The following CADM2 variants were observed in gnomAD, a reference collection of about 807,000 sequenced individuals.
CADM2 encodes the protein cell adhesion molecule 2, also known as immunoglobulin superfamily member 4D.
CADM2 carries 12 observed loss-of-function variants against 49.8 expected under a neutral mutation model. The ratio of observed to expected loss-of-function variants is 0.24; its 90% CI spans 0.15 to 0.39. CADM2 has a LOEUF of 0.39. CADM2 is among the 10% of genes least tolerant of loss of function. The pLI, the probability that CADM2 is intolerant of heterozygous loss-of-function variation, is 1.00. For synonymous variants in CADM2, 214 were observed against 175.4 expected (o/e 1.22, Z -1.74); for missense variants, 378 against 492.3 (o/e 0.77, Z 2.20).
intron 1 of CADM2, among the ~76,000 whole-genome samples, chr3:85,327,278 G>C (rs1049603584): frequency 2.0e-5 from 3 of 151,638 alleles, no homozygotes; most frequent in African/African-American, 7.3e-5. Context: ...TTTATTTAGA[G>C]ACAGATTCTC....
intron 1 of CADM2, among the ~76,000 whole-genome samples, chr3:85,248,670 T>C (rs556210340): frequency 2.0e-5 from 3 of 152,306 alleles, no homozygotes; most frequent in Admixed American, 6.5e-5. Flanking sequence ...AGGTTGTGGT[T>C]TGTATACTCA....
intron 1 of CADM2, among the ~76,000 whole-genome samples, chr3:85,224,275 G>T (rs557946297): frequency 6.6e-6 from 1 of 152,184 alleles, no homozygotes; most frequent in East Asian, 1.9e-4. Flanking sequence ...GTCGTTTCCT[G>T]ACTTTTAGTG....
chr3:85,269,340 T>C (rs552248625), intron 1 of CADM2, among the ~76,000 whole-genome samples: 1 of 151,572 alleles, frequency 6.6e-6, no homozygotes, highest in South Asian at 2.1e-4. Context: ...ATTCGCTATT[T>C]TTTTACTTGA....
At chr3:85,719,892 A>C (rs1335363723) in intron 1 of CADM2, among the ~76,000 whole-genome samples, 1 of 152,196 alleles carries the variant, frequency 6.6e-6, no homozygotes, top group Non-Finnish European at 1.5e-5. Flanking sequence ...TGTACATCCC[A>C]AAATTATTAT....
intron 2 of CADM2, among the ~76,000 whole-genome samples, chr3:85,768,252 G>A (rs2069768395): frequency 1.3e-5 from 2 of 152,000 alleles, no homozygotes; most frequent in African/African-American, 4.8e-5. Flanking sequence ...TTCATTACCA[G>A]CCTGGGCAAC....
At chr3:85,048,739 C>T (rs1428859471) in intron 1 of CADM2, among the ~76,000 whole-genome samples, 2 of 152,002 alleles carry the variant, frequency 1.3e-5, no homozygotes, top group Non-Finnish European at 2.9e-5. Flanking sequence ...ATATAGAAGA[C>T]AGGATGATGA....
rs1185668948 is a variant in CADM2 at position 86,074,407 on chromosome 3, A to G, written c.*7624A>G. 1.3e-5 allele frequency: 2 copies of G among 152,036 alleles called. No individual in the cohort carries two copies. The highest frequency in any genetic ancestry group is 4.8e-5 in the African/African-American group (2 of 41,440). The allele number at this position is 152,036 out of a possible 1,614,324, so 9.4% of individuals were successfully genotyped here. A position where few individuals can be genotyped will look rare whatever the true frequency, so the allele number is the denominator to read the frequency against. ...TTAGACCATGAAATATTCCATTAAA[A>G]TTTATCTGTAAATACAAGGCAAGAT... On this transcript the variant is annotated 3_prime_UTR_variant, in exon 10 of 10. Coordinates refer to ENST00000383699, the MANE Select transcript of CADM2 (RefSeq NM_001167675.2).
intron 1 of CADM2, among the ~76,000 whole-genome samples, chr3:85,077,762 G>T (rs1019052847): frequency 2.6e-5 from 4 of 151,886 alleles, no homozygotes; most frequent in African/African-American, 9.7e-5. Context: ...ATAAAGAAAA[G>T]TTTTTTGTCA....
At chr3:85,021,620 C>T (rs1259685586) in intron 1 of CADM2, among the ~76,000 whole-genome samples, 1 of 151,918 alleles carries the variant, frequency 6.6e-6, no homozygotes, top group African/African-American at 2.4e-5. Flanking sequence ...ACTAAAAATA[C>T]AAAAATTAGC....
chr3:85,505,969 T>C (rs2040333212), intron 1 of CADM2, among the ~76,000 whole-genome samples: 2 of 152,220 alleles, frequency 1.3e-5, no homozygotes, highest in African/African-American at 4.8e-5. Flanking sequence ...TTATCTGACA[T>C]GTCCACAATT....
At chr3:85,791,572 GAA>G (rs1159815967) in intron 2 of CADM2, among the ~76,000 whole-genome samples, 1 of 147,706 alleles carries the variant, frequency 6.8e-6, no homozygotes, top group Non-Finnish European at 1.5e-5. Context: ...GAGAGAGAGA[GAA>G]AAGAAAGAGA....
At chr3:85,869,737 C>G (rs932012280) in intron 3 of CADM2, among the ~76,000 whole-genome samples, 2 of 152,158 alleles carry the variant, frequency 1.3e-5, no homozygotes, top group Non-Finnish European at 2.9e-5. Context: ...CGGCTCACGG[C>G]AAGCTCTGCA....
At chr3:85,694,666 T>G (rs2066494834) in intron 1 of CADM2, among the ~76,000 whole-genome samples, 1 of 152,208 alleles carries the variant, frequency 6.6e-6, no homozygotes, top group South Asian at 2.1e-4. Flanking sequence ...AATTAAATAT[T>G]TATTGAACAC....
Position 85,407,954 on chromosome 3 carries a change from G to T in CADM2, c.62-318568G>T, listed in dbSNP as rs375670200. Among the ~76,000 whole-genome samples, 161 of 130,670 alleles carry T rather than the reference G, an allele frequency of 1.2e-3. 1 individual carries two copies. The South Asian group carries it at 0.02, about 17-fold the overall frequency. The allele number at this position is 130,670 out of a possible 152,430, so 85.7% of individuals were successfully genotyped here. On this transcript the variant is annotated intron_variant, in intron 1 of 9. Transcript: ENST00000383699. ...ATTGTGCTTGAGCCTGGAAGCCCCA[G>T]ACTGCAGTGAGCAATAGGGCAAGAC...
chr3:85,474,882 T>C (rs1559858888), intron 1 of CADM2, among the ~76,000 whole-genome samples: 1 of 151,890 alleles, frequency 6.6e-6, no homozygotes, highest in Non-Finnish European at 1.5e-5. Flanking sequence ...TCCTGGTCAA[T>C]AAAGGTGCTC....
At chr3:85,670,324 C>T (rs6797109) in intron 1 of CADM2, among the ~76,000 whole-genome samples, 58,390 of 151,964 alleles carry the variant, frequency 0.38, 12,318 homozygotes, top group East Asian at 0.54. Flanking sequence ...TACAATAACA[C>T]ATATTTGTTT....
chr3:85,894,805 G>A (rs940565641), intron 5 of CADM2, among the ~76,000 whole-genome samples: 4 of 152,206 alleles, frequency 2.6e-5, no homozygotes, highest in Admixed American at 6.5e-5. Context: ...GAGGGTGCAA[G>A]TCCCAAGCCT....
rs532480623 is a variant in CADM2 at position 85,273,358 on chromosome 3, A to G, written c.61+313690A>G. 4.6e-5 allele frequency among the ~76,000 whole-genome samples: 7 copies of G among 151,428 alleles called. No homozygotes were observed. The East Asian group carries it at 1.4e-3, about 29-fold the overall frequency. On this transcript the variant is annotated intron_variant, in intron 1 of 9. Coordinates refer to ENST00000383699, the MANE Select transcript of CADM2 (RefSeq NM_001167675.2). ...GAAGAGGAACATGACTTAGTTTTTGACAATAACACTCTGGAAGCTGTGTTG... is the reference window on the plus strand; with the variant it reads ...GAAGAGGAACATGACTTAGTTTTTGGCAATAACACTCTGGAAGCTGTGTTG...
In CADM2 at chr3:85,658,572, A is replaced by ATG. The variant is rs1202544525; in HGVS notation, c.62-67946_62-67945dup. Among the ~76,000 whole-genome samples the ATG allele has an allele frequency of 3.6e-3, 357 of 100,080 alleles. 2 individuals carry two copies. The highest frequency in any genetic ancestry group is 5.6e-3 in the African/African-American group (133 of 23,678). 65.7% of individuals were successfully genotyped at this position (100,080 alleles called of 152,430 possible). ...ATTCCTCTATAAATATATTGGATATATGTGTATATATATATATATATATAT... is the reference window on the plus strand; with the variant it reads ...ATTCCTCTATAAATATATTGGATATATGTGTGTATATATATATATATATATAT... On this transcript the variant is annotated intron_variant, in intron 1 of 9. Transcript: ENST00000383699.
Sources: allele counts gnomAD v4.1 joint callset (sites outside exome capture counted in the v4.1 genomes callset), GRCh38; gene constraint gnomAD v4.1.1; transcripts MANE v1.5; gene names NCBI Gene and HGNC (gene_info 2026-07-23, HGNC 2026-07-21).